Variants in FGF13 observed in about 807,000 individuals in gnomAD.
FGF13 encodes the protein fibroblast growth factor 13.
In FGF13, 2 loss-of-function variants were observed where a neutral mutation model predicts 19.5. The ratio of observed to expected loss-of-function variants is 0.10; its 90% CI spans 0.04 to 0.32. FGF13 has a LOEUF of 0.32. Ranked by LOEUF, FGF13 falls within the 10% of genes least tolerant of loss-of-function variation. The probability of loss-of-function intolerance (pLI) is 1.00; values close to 1 mark genes in which losing one functional copy is unlikely to be tolerated. For missense variants in FGF13, 113 were observed against 192.7 expected, an observed-to-expected ratio of 0.59 and a Z score of 2.45; for synonymous variants, 72 against 76.9, an observed-to-expected ratio of 0.94 and a Z score of 0.33.
intron 3 of FGF13, among the ~76,000 whole-genome samples, chrX:138,700,006 C>A (rs935829274): frequency 9.0e-6 from 1 of 111,001 alleles, no homozygotes; most frequent in African/African-American, 3.3e-5. Context: ...CTTCTGACTT[C>A]TGTGAAGGTT....
upstream of FGF13, among the ~76,000 whole-genome samples, chrX:138,715,355 A>G (rs185545851): frequency 5.3e-5 from 6 of 112,449 alleles, no homozygotes; most frequent in African/African-American, 1.9e-4. Flanking sequence ...TACTTAGACA[A>G]GATTGGCAGT....
At chrX:139,192,990 G>T (rs2084343792) in intron 1 of FGF13, among the ~76,000 whole-genome samples, 1 of 111,795 alleles carries the variant, frequency 8.9e-6, no homozygotes. Flanking sequence ...GTCTAAGAAA[G>T]CAGATGGCAC....
chrX:138,881,899 A>C (rs1253770876), intron 1 of FGF13, among the ~76,000 whole-genome samples: 1 of 110,123 alleles, frequency 9.1e-6, no homozygotes, highest in Non-Finnish European at 1.9e-5. Context: ...TCTCTATTTC[A>C]AAAATCTCTG....
At chrX:139,037,718 T>A (rs1424699571) in intron 1 of FGF13, among the ~76,000 whole-genome samples, 1 of 112,320 alleles carries the variant, frequency 8.9e-6, no homozygotes, top group Non-Finnish European at 1.9e-5. Flanking sequence ...ACATAGGGCC[T>A]GCCCAAATAT....
intron 1 of FGF13, among the ~76,000 whole-genome samples, chrX:139,168,705 T>C (rs1000450491): frequency 8.9e-6 from 1 of 112,085 alleles, no homozygotes; most frequent in Non-Finnish European, 1.9e-5. Context: ...TTTAACTGCA[T>C]CAGTAATGTT....
At chrX:139,040,959 A>C (rs986249980) in intron 1 of FGF13, among the ~76,000 whole-genome samples, 7 of 108,803 alleles carry the variant, frequency 6.4e-5, no homozygotes, top group African/African-American at 2.4e-4. Flanking sequence ...GCAGGAACAG[A>C]AAACCAAACA....
chrX:138,982,699 C>G (rs2091968956), intron 1 of FGF13, among the ~76,000 whole-genome samples: 1 of 112,112 alleles, frequency 8.9e-6, no homozygotes, highest in African/African-American at 3.2e-5. Flanking sequence ...GTCATCAGCA[C>G]AAACTGGAGT....
chrX:138,689,062 C>G lies in FGF13; in HGVS notation c.402+13922G>C, dbSNP rs1437993222. ...TTACTGGGCATCTGGACCAAGAGCT[C>G]TCACACTGTTGAACCCTGAGGGCAG... On this transcript the variant is annotated intron_variant, in intron 3 of 4. Transcript: ENST00000315930. 4.5e-5 allele frequency among the ~76,000 whole-genome samples: 5 copies of G among 111,549 alleles called. No individual in the cohort carries two copies. In the East Asian group the frequency reaches 1.1e-3, roughly 25 times the overall value.
chrX:138,822,718 C>T (rs1359066100), intron 3 of FGF13, among the ~76,000 whole-genome samples: 1 of 112,270 alleles, frequency 8.9e-6, no homozygotes, highest in African/African-American at 3.2e-5. Flanking sequence ...AATAAAGAAT[C>T]TCTAATAATG....
intron 1 of FGF13, among the ~76,000 whole-genome samples, chrX:138,893,847 G>A (rs981888072): frequency 9.0e-6 from 1 of 111,226 alleles, no homozygotes; most frequent in Admixed American, 9.5e-5. Flanking sequence ...GCTGACTCCA[G>A]CCTGTCCACA....
At chrX:139,083,231 T>C (rs1032675899) in intron 1 of FGF13, among the ~76,000 whole-genome samples, 3 of 111,341 alleles carry the variant, frequency 2.7e-5, no homozygotes, top group Non-Finnish European at 3.8e-5. Flanking sequence ...CTCATATTCA[T>C]AACATCTCTG....
intron 1 of FGF13, among the ~76,000 whole-genome samples, chrX:138,918,712 C>A (rs2091630380): frequency 9.0e-6 from 1 of 111,172 alleles, no homozygotes. Flanking sequence ...GTGAGAAGTA[C>A]AATAAGGAGG....
rs753853628 is a variant in FGF13 at position 138,632,854 on chromosome X, G to A, written c.734C>T (p.Thr245Met). ...CCCTTCTTTTGCCCTCACTGGCTAC[G>A]TTGATTCATTGTGGCTCATGGATTT... The part of the protein sequence containing the change: ...GGKSMSHNES[T>M] Residue 245 changes from threonine to methionine, a missense_variant, in exon 5 of 5, where the codon ACG (threonine) becomes ATG (methionine). Physicochemically the swap from Thr to Met is moderately conservative, Grantham distance 81 (BLOSUM62 -1). Around this residue, in one of 4 missense-constraint regions of FGF13, gnomAD observed 43 missense variants for 41.4 expected, o/e 1.04. Coordinates refer to ENST00000315930, the MANE Select transcript of FGF13 (RefSeq NM_004114.5). 3.5e-5 allele frequency: 42 copies of A among 1,205,837 alleles called. 1 individual carries two copies. In the South Asian group the frequency reaches 6.6e-4, roughly 19 times the overall value.
chrX:138,797,990 C>T (rs1034700116), intron 3 of FGF13, among the ~76,000 whole-genome samples: 2 of 111,833 alleles, frequency 1.8e-5, no homozygotes, highest in Non-Finnish European at 3.8e-5. Flanking sequence ...TCTAAAGATA[C>T]AATCACGTCG....
chrX:139,007,782 G>C (rs958745985), intron 1 of FGF13, among the ~76,000 whole-genome samples: 1 of 112,149 alleles, frequency 8.9e-6, no homozygotes, highest in Non-Finnish European at 1.9e-5. Context: ...GAAAATACTA[G>C]GAAAGCCAAA....
At chrX:138,906,626 C>T (rs753168635) in intron 1 of FGF13, among the ~76,000 whole-genome samples, 103 of 112,191 alleles carry the variant, frequency 9.2e-4, no homozygotes, top group Non-Finnish European at 1.6e-3. Context: ...GCAAGCGTTA[C>T]TTTTAATAGA....
intron 1 of FGF13, among the ~76,000 whole-genome samples, chrX:139,151,965 C>T (rs753936648): frequency 4.5e-5 from 5 of 111,201 alleles, no homozygotes; most frequent in Non-Finnish European, 9.4e-5. Flanking sequence ...ATTAAAATGT[C>T]CTACAATTAG....
At chrX:138,826,992 G>A (rs1015118883) in intron 3 of FGF13, among the ~76,000 whole-genome samples, 1 of 112,323 alleles carries the variant, frequency 8.9e-6, no homozygotes, top group Admixed American at 9.4e-5. Flanking sequence ...TAACATGGGG[G>A]AGCATTTATG....
chrX:138,696,156 T>C (rs1398107667), intron 3 of FGF13, among the ~76,000 whole-genome samples: 1 of 111,979 alleles, frequency 8.9e-6, no homozygotes, highest in Non-Finnish European at 1.9e-5. Context: ...TACTCAGCCA[T>C]CAGATGGAAT....
Sources: gnomAD v4.1 joint callset for allele counts (sites outside exome capture counted in the v4.1 genomes callset) on GRCh38, gnomAD v4.1.1 for gene constraint, gnomAD v4.1.1 regional missense constraint, MANE v1.5 for transcripts, NCBI Gene and HGNC (gene_info 2026-07-23, HGNC 2026-07-21) for gene names.